PRICKLE2: variants seen among roughly 807,000 people sequenced by gnomAD.
The protein encoded by PRICKLE2 is prickle-like protein 2.
In PRICKLE2, 21 loss-of-function variants were observed where a neutral mutation model predicts 81.4. The observed-to-expected ratio is 0.26, with a 90% confidence interval of 0.18 to 0.37. The LOEUF (loss-of-function observed/expected upper bound fraction) is 0.37. Among genes scored for constraint, PRICKLE2 ranks in the 10% least tolerant of loss-of-function variants. The pLI is 1.00. For synonymous variants in PRICKLE2, 456 were observed against 421.5 expected (o/e 1.08, Z -1.00); for missense variants, 940 against 1,109.0 (o/e 0.85, Z 2.16).
At chr3:64,202,307 G>C (rs1392929879) in intron 1 of PRICKLE2, among the ~76,000 whole-genome samples, 8 of 152,160 alleles carry the variant, frequency 5.3e-5, no homozygotes, top group Non-Finnish European at 1.5e-5. Flanking sequence ...AGTTTTGATA[G>C]AGATACACTG....
In PRICKLE2 at chr3:64,099,476, C is replaced by T. The variant is rs959568626; in HGVS notation, c.2110G>A (p.Glu704Lys). 3.8e-6 allele frequency: 6 copies of T among 1,585,234 alleles called. No individual in the cohort carries two copies. The Admixed American group carries it at 6.9e-5, about 18-fold the overall frequency. ...RSDNALHLASEREAISRLKDR... is the reference protein window; with the variant it reads ...RSDNALHLASKREAISRLKDR... ...TTTAACCGGGAGATGGCCTCGCGTT[C>T]GCTGGCCAGGTGGAGGGCGTTGTCG... is the stretch of plus-strand genomic sequence containing the variant. The change falls in exon 8 of 8, where the codon GAA becomes AAA. Residue 704 changes from glutamate to lysine, a missense_variant. Physicochemically the swap from Glu to Lys is moderately conservative, Grantham distance 56 (BLOSUM62 1). This residue lies in a region of PRICKLE2 where 670 missense variants were observed against 717.2 expected (regional missense o/e 0.93). Transcript: ENST00000638394. The surrounding 1 kb of genome is among the most constrained non-coding windows in gnomAD (Gnocchi z 4.3).
At chr3:64,248,500 C>G (rs1425020237) in intron 2 of PRICKLE2, among the ~76,000 whole-genome samples, 1 of 152,148 alleles carries the variant, frequency 6.6e-6, no homozygotes, top group Non-Finnish European at 1.5e-5. Context: ...CAAAAAAGGT[C>G]AGCCTTTCTA....
At chr3:64,244,163 G>A (rs1175997798) in intron 2 of PRICKLE2, among the ~76,000 whole-genome samples, 1 of 152,196 alleles carries the variant, frequency 6.6e-6, no homozygotes, top group African/African-American at 2.4e-5. Context: ...GGAAGTTACC[G>A]TATTTTGGCC....
chr3:64,239,190 C>T (rs114963215), intron 2 of PRICKLE2, among the ~76,000 whole-genome samples: 1,788 of 152,240 alleles, frequency 0.012, 27 homozygotes, highest in African/African-American at 0.041. Context: ...CTGACTCATC[C>T]GTCAGGCACC....
chr3:64,163,401 G>C, intron 2 of PRICKLE2: 1 of 500,598 alleles, frequency 2.0e-6, no homozygotes, highest in Non-Finnish European at 3.6e-6. Flanking sequence ...AGAGAATTCA[G>C]CAGACATGCT....
intron 2 of PRICKLE2, among the ~76,000 whole-genome samples, chr3:64,250,936 C>A (rs2079438741): frequency 6.6e-6 from 1 of 152,180 alleles, no homozygotes; most frequent in Non-Finnish European, 1.5e-5. Flanking sequence ...CTGACATTTT[C>A]TTTGCAGGAG....
chr3:64,174,096 A>G (rs1196516469), intron 2 of PRICKLE2, among the ~76,000 whole-genome samples: 1 of 152,192 alleles, frequency 6.6e-6, no homozygotes, highest in East Asian at 1.9e-4. Flanking sequence ...GTTGTTATCA[A>G]ACTGTGTTCT....
intron 2 of PRICKLE2, among the ~76,000 whole-genome samples, chr3:64,231,366 TG>T (rs1472346617): frequency 6.6e-6 from 1 of 152,160 alleles, no homozygotes; most frequent in Non-Finnish European, 1.5e-5. Flanking sequence ...TGCTAGCAAA[TG>T]GTTTTTCCTT....
In PRICKLE2 at chr3:64,098,943, T is replaced by C; in HGVS notation, c.*108A>G. Reference sequence around the variant, plus strand: ...CATCTACTGACAGCATTTTCCCTTTTCTCCCCCATAAGCCACCCCCAAAAG... The same window carrying C: ...CATCTACTGACAGCATTTTCCCTTTCCTCCCCCATAAGCCACCCCCAAAAG... On this transcript the variant is annotated 3_prime_UTR_variant, in exon 8 of 8. Transcript: ENST00000638394. 4.5e-6 allele frequency: 6 copies of C among 1,320,526 alleles called. No individual in the cohort carries two copies. Among genetic ancestry groups the C allele is most frequent in the Non-Finnish European group, 6.5e-6 (6 of 918,364 alleles). 81.8% of individuals were successfully genotyped at this position (1,320,526 alleles called of 1,614,324 possible). A position where few individuals can be genotyped will look rare whatever the true frequency, so the allele number is the denominator to read the frequency against.
intron 2 of PRICKLE2, among the ~76,000 whole-genome samples, chr3:64,266,705 A>G (rs531166366): frequency 8.5e-4 from 129 of 152,304 alleles, no homozygotes; most frequent in African/African-American, 3.0e-3. Flanking sequence ...GGCCATGTCC[A>G]TGTCTCTAAT....
At chr3:64,207,384 A>T (rs192320201) in intron 1 of PRICKLE2, among the ~76,000 whole-genome samples, 1 of 152,324 alleles carries the variant, frequency 6.6e-6, no homozygotes, top group East Asian at 1.9e-4. Context: ...AATCCCAAAG[A>T]TAATCACCAT....
intron 2 of PRICKLE2, among the ~76,000 whole-genome samples, chr3:64,242,428 C>A (rs1006081605): frequency 5.4e-4 from 83 of 152,316 alleles, no homozygotes; most frequent in African/African-American, 1.8e-3. Flanking sequence ...CTTTCCCACC[C>A]TGTCTACCCT....
chr3:64,178,828 G>A (rs1405549324), intron 2 of PRICKLE2, among the ~76,000 whole-genome samples: 1 of 152,034 alleles, frequency 6.6e-6, no homozygotes, highest in Non-Finnish European at 1.5e-5. Context: ...TGTTTCATGT[G>A]TGTTTCTTTT....
chr3:64,102,084 G>A (rs1241544636), intron 7 of PRICKLE2: 1 of 152,218 alleles, frequency 6.6e-6, no homozygotes, highest in Non-Finnish European at 1.5e-5. Context: ...ATGCCAAAAG[G>A]AGGGACATTT....
At chr3:64,159,390 A>G (rs971397913) in intron 4 of PRICKLE2, among the ~76,000 whole-genome samples, 15 of 152,236 alleles carry the variant, frequency 9.9e-5, no homozygotes, top group African/African-American at 3.6e-4. Context: ...GTCTCTTTTT[A>G]AAACATAAAT....
At chr3:64,192,613 C>G (rs2078363825) in intron 2 of PRICKLE2, among the ~76,000 whole-genome samples, 1 of 152,170 alleles carries the variant, frequency 6.6e-6, no homozygotes, top group Non-Finnish European at 1.5e-5. Flanking sequence ...TTACAAGGCT[C>G]AAATCCAACT....
At chr3:64,205,868 T>A (rs2078678975) in intron 1 of PRICKLE2, among the ~76,000 whole-genome samples, 1 of 152,044 alleles carries the variant, frequency 6.6e-6, no homozygotes, top group Non-Finnish European at 1.5e-5. Flanking sequence ...AAGCTCAACC[T>A]CCTCCCCAAA....
rs770331712 is a variant in PRICKLE2 at position 64,198,785 on chromosome 3, T to C, written c.143A>G (p.Gln48Arg). 4 of 1,614,010 alleles carry C rather than the reference T, an allele frequency of 2.5e-6. No individual in the cohort carries two copies. The highest frequency in any genetic ancestry group is 2.5e-6 in the Non-Finnish European group (3 of 1,180,002). The part of the protein sequence containing the change: ...AWVPPGLKPE[Q>R]VHQYYSCLPE... ...GCATGCTCCCATCCAGAATGGTACC[T>C]GTTCAGGCTTCAGACCCGGCGGGAC... Residue 48 changes from glutamine to arginine, a missense_variant and splice_region_variant, in exon 2 of 8, where the codon CAG becomes CGG. Gln to Arg is a conservative substitution (Grantham distance 43, BLOSUM62 1). Coordinates refer to ENST00000638394, the MANE Select transcript of PRICKLE2 (RefSeq NM_198859.4).
At chr3:64,114,109 G>A (rs1027184506) in intron 7 of PRICKLE2, among the ~76,000 whole-genome samples, 9 of 151,956 alleles carry the variant, frequency 5.9e-5, no homozygotes, top group Non-Finnish European at 8.8e-5. Flanking sequence ...GCTGGGTGTT[G>A]GCCCCCTAAA....
Sources: gnomAD v4.1 joint callset for allele counts (sites outside exome capture counted in the v4.1 genomes callset) on GRCh38, gnomAD v4.1.1 for gene constraint, gnomAD v4.1.1 regional missense constraint, Gnocchi (gnomAD v3.1) non-coding constraint, MANE v1.5 for transcripts, NCBI Gene and HGNC (gene_info 2026-07-23, HGNC 2026-07-21) for gene names.